Variants in LYRM4 observed in about 807,000 individuals in gnomAD.
LYRM4 encodes the protein LYR motif containing 4.
In LYRM4, 9 loss-of-function variants were observed where a neutral mutation model predicts 11.7. The ratio of observed to expected loss-of-function variants is 0.77; its 90% confidence interval spans 0.46 to 1.34. The LOEUF (loss-of-function observed/expected upper bound fraction) is 1.34. Ranked by LOEUF, LYRM4 falls within the 40% of genes most tolerant of loss-of-function variation. The probability of loss-of-function intolerance (pLI) is 0.00; values close to 1 mark genes in which losing one functional copy is unlikely to be tolerated. For missense variants in LYRM4, 133 were observed against 112.5 expected, an observed-to-expected ratio of 1.18 and a Z score of -0.82; for synonymous variants, 42 against 40.4, an observed-to-expected ratio of 1.04 and a Z score of -0.15.
At chr6:5,118,757 T>G (rs1763264084) in intron 2 of LYRM4, among the ~76,000 whole-genome samples, 2 of 152,206 alleles carry the variant, frequency 1.3e-5, no homozygotes, top group Non-Finnish European at 2.9e-5. Flanking sequence ...ATGTCTGTAT[T>G]TTTTCAGTCT....
At chr6:5,226,163 C>A (rs894340719) in intron 1 of LYRM4, among the ~76,000 whole-genome samples, 1 of 151,988 alleles carries the variant, frequency 6.6e-6, no homozygotes, top group Non-Finnish European at 1.5e-5. Flanking sequence ...GTCCGGTGTA[C>A]CAAATTTTAT....
chr6:5,179,065 C>CAAAAAAAAAAAAAAAA (rs58749743), intron 2 of LYRM4, among the ~76,000 whole-genome samples: 17 of 103,898 alleles, frequency 1.6e-4, no homozygotes, highest in African/African-American at 3.6e-4. Context: ...ACCAAAAAAA[C>CAAAAAAAAAAAAAAAA]AAAAAAAAAA....
At chr6:5,039,313 T>C in the LYRM4 span, among the ~76,000 whole-genome samples, 1 of 152,352 alleles carries the variant, frequency 6.6e-6, no homozygotes, top group East Asian at 1.9e-4. Context: ...GAACCAACTA[T>C]ATTCCAGGCA....
chr6:5,195,879 G>A (rs1761023632), intron 2 of LYRM4, among the ~76,000 whole-genome samples: 1 of 152,144 alleles, frequency 6.6e-6, no homozygotes, highest in African/African-American at 2.4e-5. Context: ...TGTATCCCCA[G>A]AATTAATGAA....
the LYRM4 span, chr6:5,086,068 TC>T: frequency 6.8e-7 from 1 of 1,472,032 alleles, no homozygotes; most frequent in Non-Finnish European, 8.9e-7. Flanking sequence ...AGCGCCGCCT[TC>T]CCGGCTCCGG....
chr6:5,040,448 T>C, the LYRM4 span, among the ~76,000 whole-genome samples: 1 of 151,306 alleles, frequency 6.6e-6, no homozygotes, highest in Non-Finnish European at 1.5e-5. Flanking sequence ...ATGCCTGTAA[T>C]CTCAGCATTT....
chr6:5,174,450 G>A (rs1472363820), intron 2 of LYRM4, among the ~76,000 whole-genome samples: 3 of 152,116 alleles, frequency 2.0e-5, no homozygotes, highest in African/African-American at 7.2e-5. Context: ...AGAGACAGAC[G>A]GATGCACAAT....
intron 2 of LYRM4, among the ~76,000 whole-genome samples, chr6:5,159,340 C>A (rs1171801147): frequency 6.6e-6 from 1 of 152,150 alleles, no homozygotes; most frequent in Non-Finnish European, 1.5e-5. Context: ...GGGACTGAGT[C>A]ATAGTGAGAG....
In LYRM4 at chr6:5,224,875, A is replaced by C. The variant is rs547656499; in HGVS notation, c.87-8137T>G. Among the ~76,000 whole-genome samples the C allele has an allele frequency of 5.9e-5, 9 of 152,224 alleles. No individual in the cohort carries two copies. In the East Asian group the frequency reaches 1.7e-3, roughly 29 times the overall value. ...CTCGGTAGGCTGAGGCAGAAGAACC[A>C]CTTGAACCTCGGAGGCGAAGGTTGC... On this transcript the variant is annotated intron_variant, in intron 1 of 2. Coordinates refer to ENST00000330636, the MANE Select transcript of LYRM4 (RefSeq NM_020408.6).
intron 1 of LYRM4, among the ~76,000 whole-genome samples, chr6:5,220,953 C>T (rs1456945282): frequency 6.6e-6 from 1 of 152,142 alleles, no homozygotes; most frequent in Non-Finnish European, 1.5e-5. Flanking sequence ...GCCTCACCCT[C>T]CCAAGTAGCT....
At chr6:5,210,517 A>G (rs547197971) in intron 2 of LYRM4, among the ~76,000 whole-genome samples, 3 of 152,174 alleles carry the variant, frequency 2.0e-5, no homozygotes, top group Non-Finnish European at 2.9e-5. Flanking sequence ...ACTTATTTTT[A>G]TTGTGGAAAA....
At chr6:5,171,967 C>T (rs1008829889) in intron 2 of LYRM4, among the ~76,000 whole-genome samples, 1 of 152,152 alleles carries the variant, frequency 6.6e-6, no homozygotes, top group South Asian at 2.1e-4. Flanking sequence ...AGTCCATAAA[C>T]ATAACAGTGA....
chr6:5,241,664 C>T (rs984785209), intron 1 of LYRM4, among the ~76,000 whole-genome samples: 7 of 152,194 alleles, frequency 4.6e-5, no homozygotes, highest in Admixed American at 1.3e-4. Flanking sequence ...AAGGCTGAAA[C>T]TTGATAAGTT....
chr6:5,230,079 G>A (rs1763142887), intron 1 of LYRM4, among the ~76,000 whole-genome samples: 1 of 152,222 alleles, frequency 6.6e-6, no homozygotes, highest in Admixed American at 6.5e-5. Flanking sequence ...CTTGTCTGCA[G>A]TTAGGCATGC....
At chr6:5,075,546 C>A in the LYRM4 span, among the ~76,000 whole-genome samples, 15 of 152,194 alleles carry the variant, frequency 9.9e-5, no homozygotes, top group East Asian at 2.7e-3. Flanking sequence ...GTGGGTCACA[C>A]TGGGGAGGCA....
chr6:5,138,487 C>CAAAAAAAAAAAAAAAA (rs765741377), intron 2 of LYRM4, among the ~76,000 whole-genome samples: 24 of 49,684 alleles, frequency 4.8e-4, no homozygotes, highest in African/African-American at 1.3e-3. Context: ...ACCCTGTCTC[C>CAAAAAAAAAAAAAAAA]AAAAAAAAAA....
intron 1 of LYRM4, among the ~76,000 whole-genome samples, chr6:5,225,335 T>C (rs1762823322): frequency 6.6e-6 from 1 of 152,068 alleles, no homozygotes; most frequent in South Asian, 2.1e-4. Context: ...CGCCCTCTCA[T>C]TCCTGTCCCT....
chr6:5,115,752 T>C (rs1763089601), intron 2 of LYRM4, among the ~76,000 whole-genome samples: 1 of 152,056 alleles, frequency 6.6e-6, no homozygotes, highest in Non-Finnish European at 1.5e-5. Flanking sequence ...TGAATTAAAT[T>C]TAAAAAAAAC....
At chr6:5,243,135 T>C (rs1366229195) in intron 1 of LYRM4, among the ~76,000 whole-genome samples, 1 of 152,206 alleles carries the variant, frequency 6.6e-6, no homozygotes, top group Non-Finnish European at 1.5e-5. Flanking sequence ...AGGGCGAATT[T>C]GAAGGGCAAA....
Sources: allele counts gnomAD v4.1 joint callset (sites outside exome capture counted in the v4.1 genomes callset), GRCh38; gene constraint gnomAD v4.1.1; transcripts MANE v1.5; gene names NCBI Gene and HGNC (gene_info 2026-07-23, HGNC 2026-07-21).